GINS1: variants seen among roughly 807,000 people sequenced by gnomAD.
GINS1 encodes GINS complex subunit 1.
In GINS1, 26 loss-of-function variants were observed where a neutral mutation model predicts 34.9. The observed-to-expected ratio is 0.74, with a 90% CI of 0.55 to 1.03. The LOEUF is 1.03. Ranked by LOEUF, GINS1 falls within the 50% of genes least tolerant of loss-of-function variation. GINS1 has a pLI of 0.00. For synonymous variants in GINS1, 97 were observed against 84.4 expected (o/e 1.15, Z -0.82); for missense variants, 235 against 237.9 (o/e 0.99, Z 0.08).
At chr20:25,429,116 G>T (rs1181990317) in intron 5 of GINS1, among the ~76,000 whole-genome samples, 1 of 151,446 alleles carries the variant, frequency 6.6e-6, no homozygotes, top group Middle Eastern at 3.2e-3. Flanking sequence ...AGCCTCCCAA[G>T]TAGCTGAGAC....
chr20:25,442,247 A>G (rs1382964400), intron 6 of GINS1, among the ~76,000 whole-genome samples: 1 of 152,230 alleles, frequency 6.6e-6, no homozygotes, highest in Non-Finnish European at 1.5e-5. Context: ...GTATATAAAC[A>G]TAACAATTTA....
rs2090384715 is a variant in GINS1, at chr20:25,425,304, C to T, written c.424C>T (p.Pro142Ser). Reference sequence around the variant, plus strand: ...TTTGGACATTACACAGGATATGAAACCACCAAAAAGCCTATATATTGAAGT... The same window carrying T: ...TTTGGACATTACACAGGATATGAAATCACCAAAAAGCCTATATATTGAAGT... ...EGLDITQDMK[P>S]PKSLYIEVRC... The change falls in exon 5 of 7, where the codon CCA becomes TCA. Residue 142 changes from proline to serine, a missense_variant. Transcript: ENST00000262460. 1 of 1,490,668 alleles carries T rather than the reference C, an allele frequency of 6.7e-7. No homozygotes were observed. Among genetic ancestry groups the T allele is most frequent in the Non-Finnish European group, 9.3e-7 (1 of 1,069,786 alleles). The allele number at this position is 1,490,668 out of a possible 1,614,324, so 92.3% of individuals were successfully genotyped here. A position where few individuals can be genotyped will look rare whatever the true frequency, so the allele number is the denominator to read the frequency against.
intron 6 of GINS1, among the ~76,000 whole-genome samples, chr20:25,443,308 G>C (rs1455516019): frequency 6.6e-6 from 1 of 152,024 alleles, no homozygotes; most frequent in African/African-American, 2.4e-5. Flanking sequence ...ATTCTCTTAG[G>C]ACACTAATGA....
At chr20:25,411,910 T>A (rs937893485) in intron 1 of GINS1, among the ~76,000 whole-genome samples, 1 of 150,118 alleles carries the variant, frequency 6.7e-6, no homozygotes, top group Non-Finnish European at 1.5e-5. Flanking sequence ...ACCATTGTAC[T>A]CCAGCCTGGG....
chr20:25,443,971 A>G (rs991368546), intron 6 of GINS1, among the ~76,000 whole-genome samples: 10 of 75,080 alleles, frequency 1.3e-4, no homozygotes, highest in African/African-American at 4.9e-4. Flanking sequence ...AAATATTAGT[A>G]GGAAACATTT....
intron 5 of GINS1, among the ~76,000 whole-genome samples, chr20:25,435,789 C>A (rs6107038): frequency 0.74 from 49,253 of 67,010 alleles, 16,090 homozygotes; most frequent in Middle Eastern, 0.77. Flanking sequence ...AAAAAAAAAA[C>A]CAACTTTTTG....
chr20:25,407,674 T>C lies in GINS1; in HGVS notation c.-147T>C, dbSNP rs1003608377. 13 of 678,440 alleles carry C rather than the reference T, an allele frequency of 1.9e-5. No homozygotes were observed. Among genetic ancestry groups the C allele is most frequent in the Non-Finnish European group, 3.1e-5 (12 of 383,502 alleles). 42.0% of individuals were successfully genotyped at this position (678,440 alleles called of 1,614,324 possible). ...GGCGCGTTCCTATTGGCTAGCTTTG[T>C]TCGGCGCCAAAGCGCGGAGCGGAGG... On this transcript the variant is annotated 5_prime_UTR_variant, in exon 1 of 7. Transcript: ENST00000262460.
At chr20:25,439,193 A>G (rs1669336617) in intron 5 of GINS1, among the ~76,000 whole-genome samples, 1 of 152,202 alleles carries the variant, frequency 6.6e-6, no homozygotes, top group African/African-American at 2.4e-5. Flanking sequence ...ATTAATCTCA[A>G]CATCCAAAAA....
Position 25,418,213 on chromosome 20 carries a change from A to G in GINS1, c.330+18A>G. The G allele has an allele frequency of 1.4e-6, 2 of 1,397,880 alleles. No individual in the cohort carries two copies. Among genetic ancestry groups the G allele is most frequent in the Non-Finnish European group, 1.0e-6 (1 of 981,364 alleles). 86.6% of individuals were successfully genotyped at this position (1,397,880 alleles called of 1,614,324 possible). A position where few individuals can be genotyped will look rare whatever the true frequency, so the allele number is the denominator to read the frequency against. ...CTGAAGAAGTGAGTTAGCATTGTTC[A>G]AGTTTATAAATTTTGAAAATGCTAA... On this transcript the variant is annotated intron_variant, in intron 4 of 6. Transcript: ENST00000262460.
chr20:25,443,315 A>G (rs1018561770), intron 6 of GINS1, among the ~76,000 whole-genome samples: 2 of 152,186 alleles, frequency 1.3e-5, no homozygotes, highest in African/African-American at 4.8e-5. Context: ...TAGGACACTA[A>G]TGAATTTAAA....
At chr20:25,419,608 G>A (rs2146198490) in intron 4 of GINS1, 2 of 810,314 alleles carry the variant, frequency 2.5e-6, no homozygotes, top group East Asian at 2.0e-4. Flanking sequence ...AGAACATTAT[G>A]TTTCTCTAAC....
At chr20:25,444,026 T>A (rs1411490475) in intron 6 of GINS1, among the ~76,000 whole-genome samples, 1 of 61,526 alleles carries the variant, frequency 1.6e-5, no homozygotes, top group Non-Finnish European at 3.2e-5. Flanking sequence ...CTATGGTTTT[T>A]TTCGAGATGG....
At position 25,441,897 on chromosome 20, in the gene GINS1, A is replaced by C. The variant is rs73904473; in HGVS notation, c.522+121A>C. 1,210 of 599,984 alleles carry C rather than the reference A, an allele frequency of 2.0e-3. 13 individuals are homozygous for C. Among genetic ancestry groups the C allele is most frequent in the African/African-American group, 0.02 (1,084 of 54,026 alleles). 37.2% of individuals were successfully genotyped at this position (599,984 alleles called of 1,614,324 possible). On this transcript the variant is annotated intron_variant, in intron 6 of 6. Coordinates refer to ENST00000262460, the MANE Select transcript of GINS1 (RefSeq NM_021067.5). The stretch of plus-strand genomic sequence containing the variant: ...GTTTATATATTAGGCATTATCTTTT[A>C]GTATAATATACCCTGTTCTGTACTT...
intron 1 of GINS1, among the ~76,000 whole-genome samples, chr20:25,413,296 G>T (rs903600627): frequency 2.0e-5 from 3 of 151,988 alleles, no homozygotes; most frequent in African/African-American, 7.3e-5. Flanking sequence ...TGATCCACCC[G>T]CCTCAGCCTT....
At chr20:25,408,389 G>A (rs1026655426) in intron 1 of GINS1, among the ~76,000 whole-genome samples, 40 of 152,212 alleles carry the variant, frequency 2.6e-4, no homozygotes, top group Admixed American at 6.5e-5. Context: ...GCATGTGTAA[G>A]GGTCTCTGCA....
intron 5 of GINS1, among the ~76,000 whole-genome samples, chr20:25,426,256 T>G (rs1166931257): frequency 6.6e-6 from 1 of 152,134 alleles, no homozygotes; most frequent in Non-Finnish European, 1.5e-5. Flanking sequence ...GTGGTATCTG[T>G]GGTAAGAATT....
chr20:25,420,791 AAAAAAG>A (rs2090350536), intron 4 of GINS1: 1 of 877,266 alleles, frequency 1.1e-6, no homozygotes, highest in African/African-American at 1.8e-5. Context: ...CAAAAAAAAA[AAAAAAG>A]AAAAAAAGAA....
In GINS1 at chr20:25,447,431, A is replaced by G. The variant is rs2090518649; in HGVS notation, c.*1440A>G. Reference sequence around the variant, plus strand: ...ATAGATATCCAGCTGTTTCACTACCATTTTTTGAAAGGACTGCCCTTTGCT... The same window carrying G: ...ATAGATATCCAGCTGTTTCACTACCGTTTTTTGAAAGGACTGCCCTTTGCT... On this transcript the variant is annotated 3_prime_UTR_variant, in exon 7 of 7. Coordinates refer to ENST00000262460, the MANE Select transcript of GINS1 (RefSeq NM_021067.5). 6.6e-6 allele frequency: 1 copy of G among 152,140 alleles called. No individual in the cohort carries two copies. The highest frequency in any genetic ancestry group is 6.5e-5 in the Admixed American group (1 of 15,272). The allele number at this position is 152,140 out of a possible 1,614,324, so 9.4% of individuals were successfully genotyped here. A position where few individuals can be genotyped will look rare whatever the true frequency, so the allele number is the denominator to read the frequency against.
intron 5 of GINS1, 148 bp downstream of exon 5, chr20:25,425,475 G>C (rs1396489786): frequency 1.0e-5 from 5 of 477,912 alleles, no homozygotes; most frequent in Non-Finnish European, 1.9e-5. Flanking sequence ...GTAGGGGGAT[G>C]ACAGAATACG....
Sources: allele counts gnomAD v4.1 joint callset (sites outside exome capture counted in the v4.1 genomes callset), GRCh38; gene constraint gnomAD v4.1.1; transcripts MANE v1.5; gene names NCBI Gene and HGNC (gene_info 2026-07-23, HGNC 2026-07-21).